MACROD2: variants seen among roughly 807,000 people sequenced by gnomAD.
MACROD2 encodes the protein mono-ADP ribosylhydrolase 2.
Under a neutral mutation model 70.4 loss-of-function variants are expected in MACROD2, and 36 were observed. That is an observed-to-expected ratio of 0.51 (90% CI 0.39 to 0.68). The LOEUF is 0.68. Among genes scored for constraint, MACROD2 ranks in the 30% least tolerant of loss-of-function variants. The pLI is 0.00. For synonymous variants in MACROD2, 172 were observed against 178.8 expected, an observed-to-expected ratio of 0.96 and a Z score of 0.30; for missense variants, 496 against 538.4, an observed-to-expected ratio of 0.92 and a Z score of 0.78.
intron 7 of MACROD2, among the ~76,000 whole-genome samples, chr20:15,458,705 T>C (rs1298605635): frequency 6.6e-6 from 1 of 151,694 alleles, no homozygotes; most frequent in Non-Finnish European, 1.5e-5. Context: ...AGATTGTCAT[T>C]GGTGATATTC....
At chr20:15,766,855 C>T (rs564512574) in intron 8 of MACROD2, among the ~76,000 whole-genome samples, 7 of 152,306 alleles carry the variant, frequency 4.6e-5, no homozygotes, top group East Asian at 3.9e-4. Flanking sequence ...TCTCTCCATG[C>T]GGGGTCTCTA....
At chr20:15,859,241 C>T in intron 8 of MACROD2, among the ~76,000 whole-genome samples, 1 of 151,938 alleles carries the variant, frequency 6.6e-6, no homozygotes, top group East Asian at 1.9e-4. Context: ...GGTAGGTATA[C>T]TTTCTCAGGG....
At chr20:14,747,748 G>A (rs1378376078) in intron 5 of MACROD2, among the ~76,000 whole-genome samples, 1 of 151,578 alleles carries the variant, frequency 6.6e-6, no homozygotes, top group Admixed American at 6.6e-5. Flanking sequence ...GACAAAAAAG[G>A]GATCTCAATC....
chr20:15,328,505 C>G (rs2077956974), intron 6 of MACROD2, among the ~76,000 whole-genome samples: 1 of 152,112 alleles, frequency 6.6e-6, no homozygotes. Context: ...TGCTACTTGT[C>G]TGGAGTTCTC....
chr20:15,423,928 C>T lies in MACROD2; in HGVS notation c.541-7477C>T, dbSNP rs77719349. 5.2e-3 allele frequency among the ~76,000 whole-genome samples: 790 copies of T among 152,242 alleles called. 2 individuals carry two copies. Among genetic ancestry groups the T allele is most frequent in the African/African-American group, 0.017 (706 of 41,540 alleles). ...GGCTGGGAATCTAAGATCAGGGTGC[C>T]AGCATAGTCAGATTATGGTGAGAGC... On this transcript the variant is annotated intron_variant, in intron 6 of 17. Coordinates refer to ENST00000684519, the MANE Select transcript of MACROD2 (RefSeq NM_001351661.2).
At chr20:14,426,574 C>T (rs969548381) in intron 3 of MACROD2, among the ~76,000 whole-genome samples, 5 of 152,006 alleles carry the variant, frequency 3.3e-5, no homozygotes, top group African/African-American at 1.2e-4. Context: ...CAAAGTAGCT[C>T]GATTGGAGTT....
At chr20:15,676,311 A>G (rs1202559107) in intron 8 of MACROD2, among the ~76,000 whole-genome samples, 1 of 152,224 alleles carries the variant, frequency 6.6e-6, no homozygotes, top group African/African-American at 2.4e-5. Context: ...ATGCATTTGA[A>G]CATTCCACTT....
In MACROD2 at chr20:16,052,003, G is replaced by A. The variant is rs1204223277; in HGVS notation, c.*2127G>A. ...TTTTATTCATTTATTTCAAATGTGG[G>A]TGGGCTAGAAGTGGAAGGAGGGAAT... On this transcript the variant is annotated 3_prime_UTR_variant, in exon 18 of 18. Coordinates refer to ENST00000684519, the MANE Select transcript of MACROD2 (RefSeq NM_001351661.2). 1 of 152,176 alleles carries A rather than the reference G, an allele frequency of 6.6e-6. No homozygotes were observed. The highest frequency in any genetic ancestry group is 6.5e-5 in the Admixed American group (1 of 15,270). 9.4% of individuals were successfully genotyped at this position (152,176 alleles called of 1,614,324 possible).
Position 15,336,886 on chromosome 20 carries a change from T to A in MACROD2, c.541-94519T>A, listed in dbSNP as rs147628438. 1.3e-4 allele frequency among the ~76,000 whole-genome samples: 19 copies of A among 151,900 alleles called. No homozygotes were observed. In the East Asian group the frequency reaches 3.5e-3, roughly 28 times the overall value. ...GTGAGGAGGGTGTATGCGGACTTGT[T>A]CTTTCCTGGGTTAGTGACTAGCCTG... On this transcript the variant is annotated intron_variant, in intron 6 of 17. Coordinates refer to ENST00000684519, the MANE Select transcript of MACROD2 (RefSeq NM_001351661.2).
intron 5 of MACROD2, among the ~76,000 whole-genome samples, chr20:15,083,729 T>G (rs2123141530): frequency 6.6e-6 from 1 of 152,184 alleles, no homozygotes. Context: ...TTATTAAAGG[T>G]TTCTCCAAGG....
intron 5 of MACROD2, among the ~76,000 whole-genome samples, chr20:15,189,841 G>A (rs2076558798): frequency 6.6e-6 from 1 of 152,100 alleles, no homozygotes; most frequent in South Asian, 2.1e-4. Context: ...TCACCGAGAT[G>A]ATTTTTTTTT....
chr20:14,185,972 A>T (rs771816636), intron 3 of MACROD2, among the ~76,000 whole-genome samples: 14 of 152,088 alleles, frequency 9.2e-5, no homozygotes, highest in African/African-American at 3.4e-4. Flanking sequence ...TTGCTTTCAG[A>T]GTGTATCCCA....
intron 4 of MACROD2, among the ~76,000 whole-genome samples, chr20:14,683,876 C>T (rs1292967075): frequency 2.7e-5 from 4 of 150,790 alleles, no homozygotes; most frequent in African/African-American, 9.8e-5. Flanking sequence ...TTTTTTCTAT[C>T]CAAGGGGCCC....
At chr20:14,109,626 C>T (rs1304213812) in intron 3 of MACROD2, among the ~76,000 whole-genome samples, 1 of 151,672 alleles carries the variant, frequency 6.6e-6, no homozygotes, top group African/African-American at 2.4e-5. Flanking sequence ...CAATAGCATA[C>T]TAATAAATTG....
chr20:15,403,908 G>A (rs2045963539), intron 6 of MACROD2, among the ~76,000 whole-genome samples: 1 of 152,208 alleles, frequency 6.6e-6, no homozygotes. Flanking sequence ...AGCCACTCAT[G>A]TTAACTATAA....
chr20:15,800,747 G>A (rs759667568), intron 8 of MACROD2, among the ~76,000 whole-genome samples: 83 of 152,222 alleles, frequency 5.5e-4, no homozygotes, highest in Non-Finnish European at 1.0e-3. Context: ...GGAATAGAAA[G>A]GGGGGAAAGG....
intron 5 of MACROD2, among the ~76,000 whole-genome samples, chr20:14,968,666 G>T (rs1024504747): frequency 6.6e-6 from 1 of 152,202 alleles, no homozygotes; most frequent in African/African-American, 2.4e-5. Context: ...CAGAGTTTCT[G>T]ATTCAGTAAG....
chr20:14,301,523 C>G (rs997330341), intron 3 of MACROD2, among the ~76,000 whole-genome samples: 2 of 152,082 alleles, frequency 1.3e-5, no homozygotes, highest in Non-Finnish European at 2.9e-5. Flanking sequence ...CACTGAACAA[C>G]AAAGATCAAG....
rs2065428886 is a variant in MACROD2 at position 15,922,729 on chromosome 20, G to T, written c.776-10547G>T. Among the ~76,000 whole-genome samples, 3 of 152,212 alleles carry T rather than the reference G, an allele frequency of 2.0e-5. No homozygotes were observed. In the South Asian group the frequency reaches 6.2e-4, roughly 32 times the overall value. ...CCCTGCTTCCTCCAGCACAATGTTA[G>T]CTGTACCTAACTGGGTCTTGTATTC... On this transcript the variant is annotated intron_variant, in intron 10 of 17. Coordinates refer to ENST00000684519, the MANE Select transcript of MACROD2 (RefSeq NM_001351661.2).
Sources: allele counts gnomAD v4.1 joint callset (sites outside exome capture counted in the v4.1 genomes callset), GRCh38; gene constraint gnomAD v4.1.1; transcripts MANE v1.5; gene names NCBI Gene and HGNC (gene_info 2026-07-23, HGNC 2026-07-21).